CSRP1: variants seen among roughly 807,000 people sequenced by gnomAD.
CSRP1 encodes the protein cysteine and glycine-rich protein 1.
CSRP1 carries 16 observed loss-of-function variants against 25.4 expected under a neutral mutation model. The ratio of observed to expected loss-of-function variants is 0.63; its 90% confidence interval spans 0.43 to 0.96. The LOEUF is 0.96. CSRP1 is among the 40% of genes least tolerant of loss of function. CSRP1 has a pLI of 0.00. For synonymous variants in CSRP1, 97 were observed against 95.3 expected (o/e 1.02, Z -0.10); for missense variants, 212 against 243.6 (o/e 0.87, Z 0.86).
chr1:201,497,800 G>A (rs542690308), intron 1 of CSRP1, among the ~76,000 whole-genome samples: 11 of 152,106 alleles, frequency 7.2e-5, no homozygotes, highest in African/African-American at 1.7e-4. Context: ...TCACGAGGTC[G>A]GGAGTTTGAG....
At chr1:201,496,613 C>A in intron 1 of CSRP1, 1 of 396,778 alleles carries the variant, frequency 2.5e-6, no homozygotes. Context: ...AAGAAGGCTC[C>A]AGCTGCAATA....
intron 2 of CSRP1, 106 bp from the exon 3 acceptor site, chr1:201,490,450 T>A: frequency 1.7e-6 from 2 of 1,158,560 alleles, no homozygotes; most frequent in Non-Finnish European, 2.5e-6. Flanking sequence ...TTTGCATACA[T>A]AATATCCTGA....
intron 4 of CSRP1, chr1:201,485,611 T>C: frequency 1.9e-6 from 1 of 525,808 alleles, no homozygotes; most frequent in South Asian, 2.5e-5. Flanking sequence ...GCCTGATGAT[T>C]AGGGTCACCA....
chr1:201,484,683 G>A lies in CSRP1; in HGVS notation c.*30C>T, dbSNP rs1165191605. Reference sequence around the variant, plus strand: ...TGGAATGGCGATGAAAAGCGCAGGAGTGGGCAGGGTGTGGTGGGTGATGGT... The same window carrying A: ...TGGAATGGCGATGAAAAGCGCAGGAATGGGCAGGGTGTGGTGGGTGATGGT... On this transcript the variant is annotated 3_prime_UTR_variant, in exon 6 of 6. Transcript: ENST00000340006. The A allele has an allele frequency of 6.3e-7, 1 of 1,592,378 alleles. No homozygotes were observed. Among genetic ancestry groups the A allele is most frequent in the Non-Finnish European group, 8.6e-7 (1 of 1,166,364 alleles).
At chr1:201,503,445 C>A (rs1374263028) in intron 1 of CSRP1, among the ~76,000 whole-genome samples, 2 of 152,164 alleles carry the variant, frequency 1.3e-5, no homozygotes, top group Non-Finnish European at 2.9e-5. Flanking sequence ...ACACACGCCA[C>A]CCCTGCATAA....
At position 201,484,789 on chromosome 1, in the gene CSRP1, C is replaced by T. The variant is rs1664078737; in HGVS notation, c.506G>A (p.Gly169Glu). 6.2e-7 allele frequency: 1 copy of T among 1,610,956 alleles called. No homozygotes were observed. The highest frequency in any genetic ancestry group is 1.7e-5 in the Admixed American group (1 of 59,770). ...GGGCCCGAAGTTTTTAGCATAACAT[C>T]CTGCAGAGAGAGGAGAGAGATAAGG... ...ADKDGEIYCK[G>E]CYAKNFGPKG... Residue 169 changes from glycine (G) to glutamate (E), a missense_variant and splice_region_variant, in exon 6 of 6, where the codon GGA becomes GAA. Coordinates refer to ENST00000340006, the MANE Select transcript of CSRP1 (RefSeq NM_004078.3).
intron 1 of CSRP1, among the ~76,000 whole-genome samples, chr1:201,502,064 C>T (rs1483091463): frequency 2.0e-5 from 3 of 152,044 alleles, no homozygotes; most frequent in Non-Finnish European, 4.4e-5. Context: ...AAGGAACCAT[C>T]GCAGAGATGT....
At chr1:201,486,609 A>G (rs1414477803) in intron 4 of CSRP1, 1 of 997,376 alleles carries the variant, frequency 1.0e-6, no homozygotes, top group Non-Finnish European at 1.2e-6. Flanking sequence ...TGCTACCCCA[A>G]GCTCTCTAGG....
rs1664063147 is a variant in CSRP1 at position 201,484,292 on chromosome 1, T to A, written c.*421A>T. The A allele has an allele frequency of 5.9e-6, 3 of 505,444 alleles. No homozygotes were observed. Among genetic ancestry groups the A allele is most frequent in the Admixed American group, 6.1e-5 (2 of 32,540 alleles). The allele number at this position is 505,444 out of a possible 1,614,324, so 31.3% of individuals were successfully genotyped here. ...CTCTGAGATCCAAAAAACCCAGCCT[T>A]CCCCCCTCCTCATCTTGGTCTTGCT... On this transcript the variant is annotated 3_prime_UTR_variant, in exon 6 of 6. Coordinates refer to ENST00000340006, the MANE Select transcript of CSRP1 (RefSeq NM_004078.3).
At chr1:201,506,484 ACTTCC>A (rs1489267315) in intron 1 of CSRP1, 1 of 152,204 alleles carries the variant, frequency 6.6e-6, no homozygotes, top group Non-Finnish European at 1.5e-5. Context: ...CCCCTTTATC[ACTTCC>A]CAGCTTTCAA....
chr1:201,505,549 T>C (rs900721042), intron 1 of CSRP1, among the ~76,000 whole-genome samples: 3 of 152,164 alleles, frequency 2.0e-5, no homozygotes, highest in Non-Finnish European at 4.4e-5. Context: ...TCTCAGGCCT[T>C]GCAGACAGTT....
chr1:201,490,854 T>A (rs1383538775), intron 2 of CSRP1: 1 of 152,820 alleles, frequency 6.5e-6, no homozygotes, highest in Admixed American at 6.5e-5. Context: ...GGTGATGTGA[T>A]ACCCCATAAG....
intron 2 of CSRP1, among the ~76,000 whole-genome samples, chr1:201,493,806 G>A (rs941706918): frequency 6.6e-6 from 1 of 152,208 alleles, no homozygotes; most frequent in African/African-American, 2.4e-5. Flanking sequence ...CTTTGATTCA[G>A]TGGGCACCCT....
chr1:201,490,421 G>A (rs1664301624), intron 2 of CSRP1, 77 bp from the exon 3 acceptor site: 1 of 1,454,446 alleles, frequency 6.9e-7, no homozygotes, highest in South Asian at 1.2e-5. Flanking sequence ...GCTTCTTACA[G>A]CTGAAGCTCT....
At chr1:201,499,916 C>T (rs1227806365) in intron 1 of CSRP1, among the ~76,000 whole-genome samples, 1 of 152,182 alleles carries the variant, frequency 6.6e-6, no homozygotes, top group Non-Finnish European at 1.5e-5. Context: ...GTCACTGCTC[C>T]CAGCCACATC....
At chr1:201,505,617 C>T (rs1302589398) in intron 1 of CSRP1, among the ~76,000 whole-genome samples, 3 of 152,326 alleles carry the variant, frequency 2.0e-5, no homozygotes, top group Admixed American at 2.0e-4. Context: ...CTTCCTTCCT[C>T]GTCTGACTGC....
At chr1:201,489,062 T>C in intron 3 of CSRP1, 78 bp from the exon 4 acceptor site, 3 of 1,566,344 alleles carry the variant, frequency 1.9e-6, no homozygotes, top group Middle Eastern at 2.2e-4. Flanking sequence ...GGCATGACCC[T>C]ACCTTCATCT....
intron 2 of CSRP1, among the ~76,000 whole-genome samples, chr1:201,495,287 C>G (rs1254788518): frequency 6.6e-6 from 1 of 152,196 alleles, no homozygotes; most frequent in Non-Finnish European, 1.5e-5. Flanking sequence ...GTAGTCCTAG[C>G]TACTCAGGAG....
chr1:201,489,309 G>C (rs1664252407), intron 3 of CSRP1: 1 of 197,844 alleles, frequency 5.1e-6, no homozygotes, highest in African/African-American at 2.3e-5. Context: ...ATTCTTTACA[G>C]GAGAAATCTG....
Sources: gnomAD v4.1 joint callset for allele counts (sites outside exome capture counted in the v4.1 genomes callset) on GRCh38, gnomAD v4.1.1 for gene constraint, MANE v1.5 for transcripts, NCBI Gene and HGNC (gene_info 2026-07-23, HGNC 2026-07-21) for gene names.